FYB2: variants seen among roughly 807,000 people sequenced by gnomAD.
FYB2 encodes the protein FYN binding protein 2, also known as FYN-binding protein 2.
A neutral mutation model predicts 94.1 loss-of-function variants in FYB2; 103 were observed. That is an observed-to-expected ratio of 1.09 (90% CI 0.93 to 1.29). FYB2 has a LOEUF of 1.29. Among genes scored for constraint, FYB2 ranks in the 50% most tolerant of loss-of-function variants. The probability of loss-of-function intolerance (pLI) is 0.00; values close to 1 mark genes in which losing one functional copy is unlikely to be tolerated. For missense variants in FYB2, 896 were observed against 841.5 expected (o/e 1.06, Z -0.80); for synonymous variants, 293 against 287.9 (o/e 1.02, Z -0.18).
intron 1 of FYB2, among the ~76,000 whole-genome samples, chr1:56,798,391 A>G (rs756467474): frequency 2.6e-5 from 4 of 152,224 alleles, no homozygotes; most frequent in Non-Finnish European, 5.9e-5. Context: ...GATAAAAGAC[A>G]GTGGTGTCCT....
At position 56,757,735 on chromosome 1, in the gene FYB2, A is replaced by C. The variant is rs12117983; in HGVS notation, c.1098+981T>G. ...CTTTCTTTCTTTCTTTCTTTCTTTC[A>C]TTCTTTCTTTCTTTCTTTCTTTTCA... On this transcript the variant is annotated intron_variant, in intron 6 of 19. Coordinates refer to ENST00000343433, the MANE Select transcript of FYB2 (RefSeq NM_001004303.5). 1.4e-3 allele frequency among the ~76,000 whole-genome samples: 144 copies of C among 100,130 alleles called. 1 individual carries two copies. Among genetic ancestry groups the C allele is most frequent in the African/African-American group, 4.4e-3 (126 of 28,778 alleles). The allele number at this position is 100,130 out of a possible 152,430, so 65.7% of individuals were successfully genotyped here. A position where few individuals can be genotyped will look rare whatever the true frequency, so the allele number is the denominator to read the frequency against.
At chr1:56,748,880 A>G (rs1450028436) in intron 9 of FYB2, among the ~76,000 whole-genome samples, 4 of 151,962 alleles carry the variant, frequency 2.6e-5, no homozygotes, top group Non-Finnish European at 5.9e-5. Context: ...CCTTCAGTGC[A>G]TTTTATCTGG....
intron 4 of FYB2, among the ~76,000 whole-genome samples, chr1:56,769,089 A>T (rs1645694182): frequency 6.6e-6 from 1 of 152,104 alleles, no homozygotes; most frequent in Non-Finnish European, 1.5e-5. Flanking sequence ...CCCAGGCTGG[A>T]GTACAGTGGC....
chr1:56,779,757 G>A (rs1363991053), intron 4 of FYB2, among the ~76,000 whole-genome samples: 2 of 152,002 alleles, frequency 1.3e-5, no homozygotes, highest in Non-Finnish European at 2.9e-5. Context: ...AAAAATAAAG[G>A]TGAAAAATAT....
intron 12 of FYB2, among the ~76,000 whole-genome samples, chr1:56,741,342 GA>G (rs1408387567): frequency 6.6e-6 from 1 of 152,032 alleles, no homozygotes; most frequent in Admixed American, 6.6e-5. Context: ...TAGAGGAAAA[GA>G]TAACTCAGGG....
chr1:56,811,237 C>T (rs755164965), intron 1 of FYB2, among the ~76,000 whole-genome samples: 16 of 152,170 alleles, frequency 1.1e-4, no homozygotes, highest in Admixed American at 8.5e-4. Context: ...ACATTCTATA[C>T]GAGTTTCTCT....
chr1:56,744,175 A>C lies in FYB2; in HGVS notation c.1479T>G (p.Asp493Glu), dbSNP rs202200331. Residue 493 changes from aspartate to glutamate, a missense_variant, in exon 10 of 20, where the codon GAT becomes GAG. Transcript: ENST00000343433. ...ACACCTCTTTCCTGGAGTACTCGAC[A>C]TCATCATATATCTCCTCCGAGATGG... Reference protein sequence around the residue: ...TSSISEEIYDDVEYSRKEVPK... With the variant: ...TSSISEEIYDEVEYSRKEVPK... The C allele has an allele frequency of 6.2e-7, 1 of 1,612,710 alleles. No individual in the cohort carries two copies. Among genetic ancestry groups the C allele is most frequent in the East Asian group, 2.2e-5 (1 of 44,794 alleles).
At chr1:56,747,840 C>T (rs191650174) in intron 9 of FYB2, among the ~76,000 whole-genome samples, 8 of 152,138 alleles carry the variant, frequency 5.3e-5, no homozygotes, top group South Asian at 2.1e-4. Context: ...CTTCCACAAT[C>T]GTTGAACTAA....
At position 56,792,176 on chromosome 1, in the gene FYB2, G is replaced by T; in HGVS notation, c.637C>A (p.Pro213Thr). 1.2e-6 allele frequency: 2 copies of T among 1,613,988 alleles called. No homozygotes were observed. Among genetic ancestry groups the T allele is most frequent in the Non-Finnish European group, 1.7e-6 (2 of 1,179,950 alleles). Residue 213 changes from proline to threonine, a missense_variant, in exon 2 of 20, where the codon CCC becomes ACC. By Grantham distance (38) the Pro-to-Thr change is conservative (BLOSUM62 -1). Transcript: ENST00000343433. ...ATATGTTGAGAAATTACAAAAGAGG[G>T]ATCTTCAGAGACGTTATGTAATATT... ...PKILHNVSEDPSFVISQHIRK... is the reference protein window; with the variant it reads ...PKILHNVSEDTSFVISQHIRK...
At chr1:56,737,968 A>G (rs1644866924) in intron 14 of FYB2, among the ~76,000 whole-genome samples, 1 of 152,100 alleles carries the variant, frequency 6.6e-6, no homozygotes, top group African/African-American at 2.4e-5. Flanking sequence ...AATATAATAT[A>G]CTTTTGAATT....
upstream of FYB2, among the ~76,000 whole-genome samples, chr1:56,820,314 G>C (rs369874658): frequency 6.6e-6 from 1 of 152,162 alleles, no homozygotes; most frequent in African/African-American, 2.4e-5. Flanking sequence ...AGAAGAGCCA[G>C]GGTTGGAACC....
At chr1:56,741,559 C>T (rs973393376) in intron 12 of FYB2, among the ~76,000 whole-genome samples, 6 of 152,030 alleles carry the variant, frequency 3.9e-5, no homozygotes, top group African/African-American at 1.4e-4. Context: ...TGCCAACCAG[C>T]ATGCCCAGTT....
intron 5 of FYB2, among the ~76,000 whole-genome samples, chr1:56,764,010 G>A (rs1286978271): frequency 6.6e-6 from 1 of 151,266 alleles, no homozygotes; most frequent in African/African-American, 2.4e-5. Flanking sequence ...GAGTGCGATG[G>A]TGTGATCTCA....
At chr1:56,826,851 G>C in the FYB2 span, 1 of 152,178 alleles carries the variant, frequency 6.6e-6, no homozygotes, top group African/African-American at 2.4e-5. Flanking sequence ...CCCATCACAA[G>C]TGGCATTCAC....
At chr1:56,753,210 T>C (rs1038408471) in intron 8 of FYB2, among the ~76,000 whole-genome samples, 10 of 152,040 alleles carry the variant, frequency 6.6e-5, no homozygotes, top group African/African-American at 2.4e-4. Context: ...GCCCTGGTGG[T>C]GTCTATTGTT....
At position 56,805,779 on chromosome 1, in the gene FYB2, TC is replaced by T. The variant is rs571289499; in HGVS notation, c.10-12977del. 6.3e-4 allele frequency among the ~76,000 whole-genome samples: 96 copies of T among 152,278 alleles called. 1 individual carries two copies. The highest frequency in any genetic ancestry group is 2.0e-3 in the African/African-American group (83 of 41,550). ...ATCTGATGGTTTTATAAAGGTGTGC[TC>T]CCCTGCATAAATTCTCTCTCTCTTT... On this transcript the variant is annotated intron_variant, in intron 1 of 19. Transcript: ENST00000343433.
intron 1 of FYB2, among the ~76,000 whole-genome samples, chr1:56,793,119 C>T (rs1646313035): frequency 6.6e-6 from 1 of 152,094 alleles, no homozygotes; most frequent in African/African-American, 2.4e-5. Context: ...CCCCTTGATA[C>T]AAACTTTTGA....
chr1:56,738,927 A>C (rs1304148987), intron 13 of FYB2, among the ~76,000 whole-genome samples: 1 of 152,090 alleles, frequency 6.6e-6, no homozygotes, highest in Non-Finnish European at 1.5e-5. Flanking sequence ...ATCGAATTTT[A>C]AGGGAAAACT....
At position 56,750,864 on chromosome 1, in the gene FYB2, G is replaced by A. The variant is rs999269530; in HGVS notation, c.1387+180C>T. 2.0e-5 allele frequency among the ~76,000 whole-genome samples: 3 copies of A among 152,022 alleles called. No homozygotes were observed. In the East Asian group the frequency reaches 5.8e-4, roughly 29 times the overall value. ...TATTAGAGCTTAGGTTTGAACTCAAGACTTCTGCTTTTCAATTCAGTGTTT... is the reference window on the plus strand; with the variant it reads ...TATTAGAGCTTAGGTTTGAACTCAAAACTTCTGCTTTTCAATTCAGTGTTT... On this transcript the variant is annotated intron_variant, in intron 9 of 19. Transcript: ENST00000343433.
Sources: allele counts gnomAD v4.1 joint callset (sites outside exome capture counted in the v4.1 genomes callset), GRCh38; gene constraint gnomAD v4.1.1; transcripts MANE v1.5; gene names NCBI Gene and HGNC (gene_info 2026-07-23, HGNC 2026-07-21).